RBM6: variants seen among roughly 807,000 people sequenced by gnomAD.
RBM6 encodes the protein RNA-binding protein 6.
In RBM6, 23 loss-of-function variants were observed where a neutral mutation model predicts 140.4. The observed-to-expected ratio is 0.16, with a 90% CI of 0.12 to 0.23. The LOEUF is 0.23. Ranked by LOEUF, RBM6 falls within the 10% of genes least tolerant of loss-of-function variation. RBM6 has a pLI of 1.00. For missense variants in RBM6, 1,139 were observed against 1,386.7 expected (o/e 0.82, Z 2.84); for synonymous variants, 439 against 475.6 (o/e 0.92, Z 1.00).
chr3:50,048,997 T>G (rs1245061292), intron 7 of RBM6, among the ~76,000 whole-genome samples: 1 of 151,696 alleles, frequency 6.6e-6, no homozygotes, highest in East Asian at 1.9e-4. Context: ...GAGATGGGGT[T>G]TCACCATGTT....
intron 6 of RBM6, among the ~76,000 whole-genome samples, chr3:50,043,498 AAGAG>A (rs970707201): frequency 4.0e-5 from 6 of 149,980 alleles, no homozygotes; most frequent in Non-Finnish European, 5.9e-5. Context: ...AAAAAAAAAA[AAGAG>A]AGATCTATCT....
intron 2 of RBM6, among the ~76,000 whole-genome samples, chr3:49,964,311 A>C (rs1348868504): frequency 1.3e-5 from 2 of 152,194 alleles, no homozygotes; most frequent in African/African-American, 4.8e-5. Context: ...TGGAGAACTG[A>C]GTTTAGAAAA....
In RBM6 at chr3:49,972,077, G is replaced by A. The variant is rs769970234; in HGVS notation, c.1342G>A (p.Gly448Ser). 4 of 1,611,436 alleles carry A rather than the reference G, an allele frequency of 2.5e-6. No homozygotes were observed. Among genetic ancestry groups the A allele is most frequent in the South Asian group, 2.2e-5 (2 of 90,882 alleles). ...ATTTAAGGATCAAGATTATAGGACC[G>A]GCCCAAGTGAGGAGAAACCCAGCAG... is the stretch of plus-strand genomic sequence containing the variant. ...RDLQDQDYRT[G>S]PSEEKPSRLI... The change falls in exon 4 of 21, where the codon GGC (glycine) becomes AGC (serine). Residue 448 changes from glycine to serine, a missense_variant. Physicochemically the swap from Gly to Ser is moderately conservative, Grantham distance 56 (BLOSUM62 0). This residue lies in a region of RBM6 where 566 missense variants were observed against 612.7 expected (regional missense o/e 0.92). Coordinates refer to ENST00000266022, the MANE Select transcript of RBM6 (RefSeq NM_005777.3).
At chr3:50,064,389 A>G (rs2090047183) in intron 15 of RBM6, among the ~76,000 whole-genome samples, 1 of 152,224 alleles carries the variant, frequency 6.6e-6, no homozygotes. Flanking sequence ...CATTTGTAAA[A>G]TTAAGATAGT....
chr3:50,006,139 T>A (rs955180314), intron 6 of RBM6, among the ~76,000 whole-genome samples: 1 of 150,124 alleles, frequency 6.7e-6, no homozygotes, highest in Admixed American at 6.7e-5. Context: ...ATCCACTGAT[T>A]GAGACTTTTT....
At chr3:49,977,179 A>G (rs1171061672) in intron 5 of RBM6, among the ~76,000 whole-genome samples, 1 of 152,116 alleles carries the variant, frequency 6.6e-6, no homozygotes, top group Non-Finnish European at 1.5e-5. Flanking sequence ...GTTTGATCTC[A>G]TTCAGTACTG....
intron 7 of RBM6, among the ~76,000 whole-genome samples, chr3:50,053,455 C>G (rs571461452): frequency 6.6e-6 from 1 of 151,996 alleles, no homozygotes; most frequent in East Asian, 1.9e-4. Flanking sequence ...CGCTTGAACC[C>G]GGGAGGTGGA....
intron 5 of RBM6, among the ~76,000 whole-genome samples, chr3:49,995,906 G>GA (rs1195471475): frequency 6.6e-6 from 1 of 151,954 alleles, no homozygotes; most frequent in Non-Finnish European, 1.5e-5. Flanking sequence ...GGGAAATAAA[G>GA]AAAAAAATCC....
intron 6 of RBM6, among the ~76,000 whole-genome samples, chr3:50,038,888 TG>T (rs756986143): frequency 1.3e-5 from 2 of 152,176 alleles, no homozygotes; most frequent in African/African-American, 2.4e-5. Context: ...CCCTTCACTC[TG>T]TGTTGAGGTG....
In RBM6 at chr3:50,057,675, T is replaced by TC. The variant is rs200587379; in HGVS notation, c.1694-53_1694-52insC. On this transcript the variant is annotated intron_variant, in intron 8 of 20. Transcript: ENST00000266022. Reference sequence around the variant, plus strand: ...TTACAGTAGCAGTGTTTTTTCTTTTTTTTTTTTTTTGATAAAGCTTTCTAG... The same window carrying TC: ...TTACAGTAGCAGTGTTTTTTCTTTTTCTTTTTTTTTTGATAAAGCTTTCTAG... The TC allele has an allele frequency of 9.1e-4, 1,348 of 1,478,410 alleles. 14 individuals are homozygous for TC. In the African/African-American group the frequency reaches 0.017, roughly 18 times the overall value. 91.6% of individuals were successfully genotyped at this position (1,478,410 alleles called of 1,614,324 possible).
chr3:50,001,842 T>C (rs1379031769), intron 6 of RBM6, among the ~76,000 whole-genome samples: 3 of 152,202 alleles, frequency 2.0e-5, no homozygotes, highest in Non-Finnish European at 2.9e-5. Context: ...CTCAATGTAA[T>C]AGCTGATAGC....
chr3:49,990,925 G>A (rs552347360), intron 5 of RBM6, among the ~76,000 whole-genome samples: 2 of 152,058 alleles, frequency 1.3e-5, no homozygotes, highest in Middle Eastern at 3.2e-3. Flanking sequence ...TTCTGATACC[G>A]ACTACCAGAA....
In RBM6 at chr3:50,057,795, G is replaced by A. The variant is rs372366859; in HGVS notation, c.1761G>A (p.Leu587=). 1.2e-6 allele frequency: 2 copies of A among 1,612,812 alleles called. No individual in the cohort carries two copies. The highest frequency in any genetic ancestry group is 2.7e-5 in the African/African-American group (2 of 74,528). The change falls in exon 9 of 21, where the codon TTG becomes TTA. Residue 587 remains leucine, a synonymous_variant. Coordinates refer to ENST00000266022, the MANE Select transcript of RBM6 (RefSeq NM_005777.3). ...QPQKTSIPAP[L]EKQPNQPLRP... is the part of the protein sequence containing the mutation. ...AGAAAACATCCATACCAGCACCATT[G>A]GAAAAACAGCCCAACCAGCCCCTAA...
intron 6 of RBM6, among the ~76,000 whole-genome samples, chr3:50,021,771 G>GA (rs1186614273): frequency 1.1e-4 from 1 of 9,022 alleles, no homozygotes; most frequent in Non-Finnish European, 2.2e-4. Context: ...TTTTTTTTTT[G>GA]AGACAGAGTC....
intron 20 of RBM6, among the ~76,000 whole-genome samples, chr3:50,076,021 T>C (rs953729170): frequency 1.3e-5 from 2 of 151,666 alleles, no homozygotes; most frequent in African/African-American, 4.8e-5. Flanking sequence ...CAGGCTGGAA[T>C]GCAGTGGTGC....
intron 1 of RBM6, among the ~76,000 whole-genome samples, chr3:49,959,088 C>T (rs1299729292): frequency 2.0e-5 from 3 of 151,670 alleles, no homozygotes; most frequent in Non-Finnish European, 2.9e-5. Flanking sequence ...CCACTGTGCC[C>T]GGACTGAAGA....
chr3:50,015,587 C>T lies in RBM6; in HGVS notation c.1557+16074C>T, dbSNP rs1032750137. Among the ~76,000 whole-genome samples the T allele has an allele frequency of 5.9e-5, 9 of 151,818 alleles. No individual in the cohort carries two copies. The East Asian group carries it at 1.6e-3, about 26-fold the overall frequency. On this transcript the variant is annotated intron_variant, in intron 6 of 20. Transcript: ENST00000266022. ...CTGGGACTACAGGCGCGTGCCACCA[C>T]GCCCGGCTAATTTTTTGAATTTTTT...
chr3:49,977,050 T>G (rs888111114), intron 5 of RBM6, among the ~76,000 whole-genome samples: 2 of 152,204 alleles, frequency 1.3e-5, no homozygotes, highest in Non-Finnish European at 2.9e-5. Flanking sequence ...TTTGACAATA[T>G]CAGCCAGATC....
chr3:49,969,986 G>A (rs2084712505), intron 3 of RBM6, among the ~76,000 whole-genome samples: 1 of 151,886 alleles, frequency 6.6e-6, no homozygotes, highest in African/African-American at 2.4e-5. Flanking sequence ...TGTTGCCTAG[G>A]CTGGAGTGCA....
Sources: allele counts gnomAD v4.1 joint callset (sites outside exome capture counted in the v4.1 genomes callset), GRCh38; gene constraint gnomAD v4.1.1; regional missense constraint gnomAD v4.1.1; transcripts MANE v1.5; gene names NCBI Gene and HGNC (gene_info 2026-07-23, HGNC 2026-07-21).